Variants in PTPRT observed in about 807,000 individuals in gnomAD.
PTPRT encodes the protein protein tyrosine phosphatase receptor type T.
In PTPRT, 56 loss-of-function variants were observed where a neutral mutation model predicts 176.8. That is an observed-to-expected ratio of 0.32 (90% CI 0.26 to 0.40). The LOEUF (loss-of-function observed/expected upper bound fraction) is 0.40, where lower values mean the gene tolerates loss of function less well. Ranked by LOEUF, PTPRT falls within the 10% of genes least tolerant of loss-of-function variation. The pLI is 1.00. For missense variants in PTPRT, 1,540 were observed against 1,908.2 expected, an observed-to-expected ratio of 0.81 and a Z score of 3.60; for synonymous variants, 783 against 739.0, an observed-to-expected ratio of 1.06 and a Z score of -0.96.
At chr20:42,861,371 A>G (rs2078657351) in intron 2 of PTPRT, among the ~76,000 whole-genome samples, 1 of 152,220 alleles carries the variant, frequency 6.6e-6, no homozygotes, top group African/African-American at 2.4e-5. Context: ...TAACTGATTG[A>G]TAAATTAAGA....
chr20:42,668,480 A>C (rs1011448246), intron 7 of PTPRT, among the ~76,000 whole-genome samples: 1 of 152,122 alleles, frequency 6.6e-6, no homozygotes, highest in Non-Finnish European at 1.5e-5. Context: ...CAATAATGAG[A>C]CTTCATGGGT....
In PTPRT at chr20:42,468,364, T is replaced by C. The variant is rs62204868; in HGVS notation, c.1450+3902A>G. Among the ~76,000 whole-genome samples the C allele has an allele frequency of 8.0e-3, 1,222 of 152,324 alleles. 11 individuals are homozygous for C. Among genetic ancestry groups the C allele is most frequent in the Middle Eastern group, 0.014 (4 of 294 alleles). ...GTTACCCAGCCAACAGAAGTGGTGC[T>C]TCCTCTCTCTTTAGAAAGAATGGAA... On this transcript the variant is annotated intron_variant, in intron 8 of 30. Transcript: ENST00000373187.
intron 1 of PTPRT, among the ~76,000 whole-genome samples, chr20:43,137,320 T>C (rs1228371254): frequency 6.6e-6 from 1 of 152,226 alleles, no homozygotes; most frequent in African/African-American, 2.4e-5. Context: ...GGGCCAGATC[T>C]GGCCCTCTGC....
chr20:42,384,611 T>G (rs1414570774), intron 9 of PTPRT, among the ~76,000 whole-genome samples: 6 of 152,210 alleles, frequency 3.9e-5, no homozygotes, highest in Non-Finnish European at 8.8e-5. Flanking sequence ...TCAATTCTTT[T>G]GGGTATATAT....
chr20:42,740,363 G>A (rs772354232), intron 6 of PTPRT, among the ~76,000 whole-genome samples: 3 of 152,154 alleles, frequency 2.0e-5, no homozygotes, highest in African/African-American at 2.4e-5. Flanking sequence ...CCTTCCTCTG[G>A]GGTTTTATCC....
At chr20:42,921,010 G>T (rs1046633327) in intron 1 of PTPRT, among the ~76,000 whole-genome samples, 18 of 152,140 alleles carry the variant, frequency 1.2e-4, no homozygotes, top group African/African-American at 4.3e-4. Flanking sequence ...AACTACTGAG[G>T]TTAGCCTGGC....
intron 1 of PTPRT, among the ~76,000 whole-genome samples, chr20:43,005,549 G>A (rs986881616): frequency 3.3e-5 from 5 of 152,068 alleles, no homozygotes; most frequent in African/African-American, 1.2e-4. Context: ...CCCACAATCT[G>A]GGGGAAACAG....
At chr20:42,303,539 A>C (rs900221589) in intron 12 of PTPRT, among the ~76,000 whole-genome samples, 1 of 152,232 alleles carries the variant, frequency 6.6e-6, no homozygotes, top group African/African-American at 2.4e-5. Context: ...TCACATGCAC[A>C]GATTCAACCC....
intron 1 of PTPRT, among the ~76,000 whole-genome samples, chr20:43,163,637 C>CA (rs34938136): frequency 0.17 from 22,810 of 134,724 alleles, 2,142 homozygotes; most frequent in Admixed American, 0.28. Context: ...GACTCCTTCT[C>CA]AAAAACAAAA....
chr20:42,825,050 G>A (rs372940475), intron 2 of PTPRT, among the ~76,000 whole-genome samples: 1 of 152,056 alleles, frequency 6.6e-6, no homozygotes, highest in South Asian at 2.1e-4. Context: ...CTAAGATTTT[G>A]AAACAGTGAT....
At chr20:42,270,323 G>T in intron 13 of PTPRT, 2 of 1,384,936 alleles carry the variant, frequency 1.4e-6, no homozygotes, top group Non-Finnish European at 1.0e-6. Flanking sequence ...TTCCTCTCTG[G>T]TGCACCTGGC....
At chr20:42,748,081 C>A (rs2076716330) in intron 6 of PTPRT, among the ~76,000 whole-genome samples, 1 of 151,210 alleles carries the variant, frequency 6.6e-6, no homozygotes, top group African/African-American at 2.4e-5. Flanking sequence ...GGCACATAAC[C>A]CATGCTCATT....
chr20:42,648,821 T>TTTTTTTTTTTGTTTTG (rs199784986), intron 7 of PTPRT, among the ~76,000 whole-genome samples: 58 of 25,364 alleles, frequency 2.3e-3, no homozygotes, highest in Non-Finnish European at 3.3e-3. Flanking sequence ...GGTGTCGTTG[T>TTTTTTTTTTTGTTTTG]TTTTTTTTTT....
intron 8 of PTPRT, among the ~76,000 whole-genome samples, chr20:42,458,501 A>G (rs930865261): frequency 6.6e-6 from 1 of 152,184 alleles, no homozygotes; most frequent in Non-Finnish European, 1.5e-5. Flanking sequence ...TAATATACAC[A>G]AAGTGCTTAC....
intron 7 of PTPRT, among the ~76,000 whole-genome samples, chr20:42,552,901 T>G (rs1418395206): frequency 2.6e-5 from 4 of 152,152 alleles, no homozygotes; most frequent in Non-Finnish European, 4.4e-5. Context: ...TGATATATGA[T>G]GTTTTTATTC....
rs143936109 is a variant in PTPRT at position 42,581,658 on chromosome 20, T to C, written c.1153+96208A>G. Among the ~76,000 whole-genome samples, 244 of 152,234 alleles carry C rather than the reference T, an allele frequency of 1.6e-3. 2 individuals carry two copies. Among genetic ancestry groups the C allele is most frequent in the Non-Finnish European group, 6.3e-4 (43 of 68,028 alleles). ...GAGCTGAATGTGTAATTTTGACAAA[T>C]GAGTTTGCATAGAGAAGGAAATAAA... On this transcript the variant is annotated intron_variant, in intron 7 of 30. Coordinates refer to ENST00000373187, the MANE Select transcript of PTPRT (RefSeq NM_007050.6).
chr20:42,967,510 G>T (rs1982368729), intron 1 of PTPRT, among the ~76,000 whole-genome samples: 1 of 152,158 alleles, frequency 6.6e-6, no homozygotes, highest in Non-Finnish European at 1.5e-5. Flanking sequence ...ACAAGGAACT[G>T]ATTGTCCCCT....
intron 2 of PTPRT, among the ~76,000 whole-genome samples, chr20:42,827,342 T>G (rs1349520317): frequency 6.6e-6 from 1 of 152,116 alleles, no homozygotes; most frequent in Admixed American, 6.6e-5. Context: ...ACCACAATCA[T>G]TCCAAACACA....
chr20:42,581,985 G>A (rs905877605), intron 7 of PTPRT, among the ~76,000 whole-genome samples: 1 of 152,110 alleles, frequency 6.6e-6, no homozygotes, highest in African/African-American at 2.4e-5. Context: ...TCGGCACTTG[G>A]AACAAAAAAG....
Sources: allele counts gnomAD v4.1 joint callset (sites outside exome capture counted in the v4.1 genomes callset), GRCh38; gene constraint gnomAD v4.1.1; transcripts MANE v1.5; gene names NCBI Gene and HGNC (gene_info 2026-07-23, HGNC 2026-07-21).